Variants in WWOX observed in about 807,000 individuals in gnomAD.
The protein encoded by WWOX is WW domain containing oxidoreductase.
Under a neutral mutation model 46.2 loss-of-function variants are expected in WWOX, and 69 were observed. The ratio of observed to expected loss-of-function variants is 1.49; its 90% CI spans 1.23 to 1.82. The LOEUF is 1.82. WWOX is among the 40% of genes most tolerant of loss of function. The pLI, the probability that WWOX is intolerant of heterozygous loss-of-function variation, is 0.00. For synonymous variants in WWOX, 359 were observed against 202.6 expected (o/e 1.77, Z -6.56); for missense variants, 919 against 542.6 (o/e 1.69, Z -6.89).
intron 8 of WWOX, among the ~76,000 whole-genome samples, chr16:78,555,225 G>A (rs1304280248): frequency 6.7e-6 from 1 of 150,094 alleles, no homozygotes; most frequent in Non-Finnish European, 1.5e-5. Context: ...GGAGGCATGT[G>A]TATATTTCTA....
intron 8 of WWOX, among the ~76,000 whole-genome samples, chr16:78,643,184 C>T (rs1255342024): frequency 6.6e-6 from 1 of 152,174 alleles, no homozygotes; most frequent in African/African-American, 2.4e-5. Flanking sequence ...ATATTTGCAG[C>T]ATGTCTTGCC....
chr16:78,880,508 C>G (rs1459375803), intron 8 of WWOX, among the ~76,000 whole-genome samples: 6 of 152,220 alleles, frequency 3.9e-5, no homozygotes, highest in African/African-American at 1.4e-4. Flanking sequence ...TAGTCAAGCA[C>G]TATCGGTAAT....
chr16:78,194,839 C>T (rs1050792121), intron 5 of WWOX, among the ~76,000 whole-genome samples: 4 of 152,256 alleles, frequency 2.6e-5, no homozygotes, highest in Non-Finnish European at 4.4e-5. Context: ...TTATTCTTAG[C>T]ACTTAGAACC....
chr16:78,717,850 C>G (rs193176070), intron 8 of WWOX, among the ~76,000 whole-genome samples: 1 of 152,278 alleles, frequency 6.6e-6, no homozygotes, highest in Admixed American at 6.5e-5. Flanking sequence ...CTCTGTCTTT[C>G]CCACCTGTTT....
chr16:78,871,547 CTG>C (rs988069511), intron 8 of WWOX, among the ~76,000 whole-genome samples: 3 of 152,174 alleles, frequency 2.0e-5, no homozygotes, highest in Admixed American at 1.3e-4. Context: ...TTGGATGACT[CTG>C]GAGCTGTGGT....
chr16:79,058,090 G>A (rs1462063063), intron 8 of WWOX, among the ~76,000 whole-genome samples: 1 of 147,042 alleles, frequency 6.8e-6, no homozygotes, highest in Non-Finnish European at 1.5e-5. Flanking sequence ...AGCCAGAGTA[G>A]GAGATATATC....
chr16:79,055,545 C>A (rs762744701), intron 8 of WWOX, among the ~76,000 whole-genome samples: 3 of 152,114 alleles, frequency 2.0e-5, no homozygotes, highest in Non-Finnish European at 4.4e-5. Context: ...GCCCTAGATA[C>A]TGAAAATCAG....
chr16:78,641,171 C>T (rs183491666), intron 8 of WWOX, among the ~76,000 whole-genome samples: 4 of 152,098 alleles, frequency 2.6e-5, no homozygotes, highest in African/African-American at 7.2e-5. Flanking sequence ...CAAAATGACC[C>T]CCGTTGACAA....
intron 4 of WWOX, among the ~76,000 whole-genome samples, chr16:78,132,615 G>A (rs1489034508): frequency 1.3e-5 from 2 of 152,124 alleles, no homozygotes; most frequent in African/African-American, 4.8e-5. Flanking sequence ...CTCTTGAGAT[G>A]GTATGTGCTA....
intron 8 of WWOX, among the ~76,000 whole-genome samples, chr16:78,780,045 G>C (rs1854853796): frequency 6.6e-6 from 1 of 152,142 alleles, no homozygotes; most frequent in Non-Finnish European, 1.5e-5. Context: ...AAGCCATATG[G>C]ATACTTTTTC....
intron 8 of WWOX, among the ~76,000 whole-genome samples, chr16:79,071,847 C>A (rs563544929): frequency 1.3e-5 from 2 of 152,342 alleles, no homozygotes; most frequent in South Asian, 2.1e-4. Flanking sequence ...TCTCTGGAGA[C>A]AATGGTCAGC....
intron 8 of WWOX, among the ~76,000 whole-genome samples, chr16:79,083,971 C>A (rs1409557988): frequency 6.6e-6 from 1 of 152,168 alleles, no homozygotes; most frequent in East Asian, 1.9e-4. Flanking sequence ...GACTCCCGAT[C>A]GGAGCCCACC....
chr16:78,570,198 G>C (rs1362672299), intron 8 of WWOX, among the ~76,000 whole-genome samples: 4 of 152,174 alleles, frequency 2.6e-5, no homozygotes, highest in Non-Finnish European at 5.9e-5. Context: ...AAACTAGTGA[G>C]GTGGAAATAA....
intron 8 of WWOX, among the ~76,000 whole-genome samples, chr16:78,937,486 G>A (rs1463444902): frequency 8.3e-6 from 1 of 121,080 alleles, no homozygotes; most frequent in South Asian, 2.5e-4. Flanking sequence ...ATAGCGATGG[G>A]GTTTCACTGT....
At chr16:78,760,419 A>C (rs769791891) in intron 8 of WWOX, among the ~76,000 whole-genome samples, 10 of 152,202 alleles carry the variant, frequency 6.6e-5, no homozygotes, top group Non-Finnish European at 1.3e-4. Flanking sequence ...TCCTTAACTT[A>C]ATCACACTTG....
At chr16:78,418,542 T>A (rs28769341) in intron 6 of WWOX, among the ~76,000 whole-genome samples, 3 of 152,022 alleles carry the variant, frequency 2.0e-5, no homozygotes, top group Non-Finnish European at 4.4e-5. Context: ...TAAATAGAGA[T>A]GCAACAATTT....
intron 8 of WWOX, among the ~76,000 whole-genome samples, chr16:78,940,374 G>A (rs886737740): frequency 6.6e-6 from 1 of 152,146 alleles, no homozygotes; most frequent in East Asian, 1.9e-4. Context: ...GATTTTTAAT[G>A]GGGTTACTTC....
chr16:79,018,666 C>G (rs774598531), intron 8 of WWOX, among the ~76,000 whole-genome samples: 2 of 152,124 alleles, frequency 1.3e-5, no homozygotes, highest in African/African-American at 4.8e-5. Context: ...CATGCTCACC[C>G]CAATCAATGT....
At chr16:78,765,287 T>A (rs1649536091) in intron 8 of WWOX, among the ~76,000 whole-genome samples, 2 of 152,184 alleles carry the variant, frequency 1.3e-5, no homozygotes, top group African/African-American at 2.4e-5. Context: ...AGGATGGGCT[T>A]AGGGACAGTG....
Sources: gnomAD v4.1 joint callset for allele counts (sites outside exome capture counted in the v4.1 genomes callset) on GRCh38, gnomAD v4.1.1 for gene constraint, MANE v1.5 for transcripts, NCBI Gene and HGNC (gene_info 2026-07-23, HGNC 2026-07-21) for gene names.